Variants in TTL observed in about 807,000 individuals in gnomAD.
The protein encoded by TTL is tubulin--tyrosine ligase.
Under a neutral mutation model 41.1 loss-of-function variants are expected in TTL, and 10 were observed. That is an observed-to-expected ratio of 0.24 (90% confidence interval 0.15 to 0.41). The LOEUF (loss-of-function observed/expected upper bound fraction) is 0.41, where lower values mean the gene tolerates loss of function less well. Among genes scored for constraint, TTL ranks in the 10% least tolerant of loss-of-function variants. The probability of loss-of-function intolerance (pLI) is 1.00; values close to 1 mark genes in which losing one functional copy is unlikely to be tolerated. For missense variants in TTL, 367 were observed against 460.4 expected (o/e 0.80, Z 1.86); for synonymous variants, 175 against 175.5 (o/e 1.00, Z 0.02).
intron 3 of TTL, among the ~76,000 whole-genome samples, chr2:112,495,771 C>T (rs997490587): frequency 4.6e-5 from 7 of 152,040 alleles, no homozygotes; most frequent in Non-Finnish European, 7.4e-5. Context: ...GGCGTGAACC[C>T]GGGAAGTGGA....
At chr2:112,515,632 CTTT>C (rs1682048253) in intron 5 of TTL, among the ~76,000 whole-genome samples, 1 of 152,126 alleles carries the variant, frequency 6.6e-6, no homozygotes, top group Admixed American at 6.6e-5. Context: ...CAGAAGACTC[CTTT>C]GAACTCCCTC....
intron 3 of TTL, among the ~76,000 whole-genome samples, chr2:112,497,067 G>A (rs1379507409): frequency 7.3e-5 from 11 of 151,640 alleles, no homozygotes; most frequent in Non-Finnish European, 1.6e-4. Context: ...TGATCCGCCC[G>A]CCTCAGCCTC....
Position 112,494,160 on chromosome 2 carries a change from C to G in TTL, c.254C>G (p.Pro85Arg). 6.2e-7 allele frequency: 1 copy of G among 1,614,156 alleles called. No homozygotes were observed. Among genetic ancestry groups the G allele is most frequent in the South Asian group, 1.1e-5 (1 of 91,074 alleles). Residue 85 changes from proline (P) to arginine (R), a missense_variant, in exon 3 of 7, where the codon CCT (proline) becomes CGT (arginine). Coordinates refer to ENST00000233336, the MANE Select transcript of TTL (RefSeq NM_153712.5). ...TCTGCCAGGCTAATCAAGACAAGCCCTGAACTGGCTGAGTCCTGCACATGG... is the reference window on the plus strand; with the variant it reads ...TCTGCCAGGCTAATCAAGACAAGCCGTGAACTGGCTGAGTCCTGCACATGG... ...ASLVKLIKTS[P>R]ELAESCTWFP... is the part of the protein sequence containing the mutation.
intron 5 of TTL, among the ~76,000 whole-genome samples, chr2:112,503,605 G>A (rs1177482995): frequency 7.1e-6 from 1 of 141,272 alleles, no homozygotes; most frequent in East Asian, 2.1e-4. Flanking sequence ...GGCTAATTTT[G>A]TACTTTTAGT....
chr2:112,487,753 G>A (rs1307411221), intron 2 of TTL, among the ~76,000 whole-genome samples: 1 of 152,202 alleles, frequency 6.6e-6, no homozygotes, highest in Non-Finnish European at 1.5e-5. Flanking sequence ...ACCTATGCAG[G>A]CTGGAGGTTG....
rs911000529 is a variant in TTL at position 112,533,991 on chromosome 2, A to G, written c.*5196A>G. 4 of 152,196 alleles carry G rather than the reference A, an allele frequency of 2.6e-5. No individual in the cohort carries two copies. Among genetic ancestry groups the G allele is most frequent in the African/African-American group, 4.8e-5 (2 of 41,442 alleles). The allele number at this position is 152,196 out of a possible 1,614,324, so 9.4% of individuals were successfully genotyped here. Reference sequence around the variant, plus strand: ...GAAAACCCTCTCTTCCATAAAAGCAATGAGAACACTAGCAAAACTGTCTAG... The same window carrying G: ...GAAAACCCTCTCTTCCATAAAAGCAGTGAGAACACTAGCAAAACTGTCTAG... On this transcript the variant is annotated 3_prime_UTR_variant, in exon 7 of 7. Transcript: ENST00000233336.
At chr2:112,507,715 C>T (rs1681828198) in intron 5 of TTL, among the ~76,000 whole-genome samples, 1 of 149,986 alleles carries the variant, frequency 6.7e-6, no homozygotes, top group South Asian at 2.1e-4. Flanking sequence ...TGTGTCTCTG[C>T]ACGTGAGATG....
rs1473735628 is a variant in TTL at position 112,530,160 on chromosome 2, C to G, written c.*1365C>G. 4.4e-6 allele frequency: 1 copy of G among 228,646 alleles called. No homozygotes were observed. The highest frequency in any genetic ancestry group is 8.7e-6 in the Non-Finnish European group (1 of 115,270). 14.2% of individuals were successfully genotyped at this position (228,646 alleles called of 1,614,324 possible). On this transcript the variant is annotated 3_prime_UTR_variant, in exon 7 of 7. Coordinates refer to ENST00000233336, the MANE Select transcript of TTL (RefSeq NM_153712.5). ...ATGTGTGCTCCATTCCTCATTTCTA[C>G]TTGGCTCAAGAAAACATTTCTGCAG...
chr2:112,527,440 A>T (rs1456166656), intron 6 of TTL, among the ~76,000 whole-genome samples: 1 of 152,240 alleles, frequency 6.6e-6, no homozygotes, highest in East Asian at 1.9e-4. Context: ...ATTATTGTGT[A>T]GGAGTCTAAG....
chr2:112,502,151 C>T (rs1412149741), intron 4 of TTL, among the ~76,000 whole-genome samples: 1 of 152,114 alleles, frequency 6.6e-6, no homozygotes, highest in Non-Finnish European at 1.5e-5. Context: ...CTAAACAGCC[C>T]TCCCTCTCCA....
At position 112,538,730 on chromosome 2, in the gene TTL, A is replaced by C. The variant is rs114320214; in HGVS notation, c.*9935A>C. ...GAAGAGGAGGTTGCAGTGAGCAGAG[A>C]TCGCACAACTGCTCTCTGTCCTAGG... On this transcript the variant is annotated 3_prime_UTR_variant, in exon 7 of 7. Transcript: ENST00000233336. The C allele has an allele frequency of 2.3e-3, 356 of 152,306 alleles. 1 individual carries two copies. The highest frequency in any genetic ancestry group is 8.2e-3 in the African/African-American group (339 of 41,550). The allele number at this position is 152,306 out of a possible 1,614,324, so 9.4% of individuals were successfully genotyped here.
rs1310525541 is a variant in TTL, at chr2:112,501,277, G to A, written c.541G>A (p.Val181Met). 16 of 1,613,670 alleles carry A rather than the reference G, an allele frequency of 9.9e-6. No individual in the cohort carries two copies. The highest frequency in any genetic ancestry group is 2.2e-5 in the South Asian group (2 of 91,048). Residue 181 changes from valine to methionine, a missense_variant, in exon 4 of 7, where the codon GTG becomes ATG. Coordinates refer to ENST00000233336, the MANE Select transcript of TTL (RefSeq NM_153712.5). ...CATAGACAACCAGGGCCAAGTGCAC[G>A]TGATCCAGAAATATCTTGAGCACCC... ...DFIDNQGQVHVIQKYLEHPLL... is the reference protein window; with the variant it reads ...DFIDNQGQVHMIQKYLEHPLL...
chr2:112,483,142 C>A (rs1320895698), intron 1 of TTL: 1 of 152,302 alleles, frequency 6.6e-6, no homozygotes, highest in East Asian at 1.9e-4. Context: ...TTTCGCAGTT[C>A]TGCATTGGAT....
intron 6 of TTL, among the ~76,000 whole-genome samples, chr2:112,523,638 T>C (rs139123054): frequency 2.0e-4 from 31 of 152,150 alleles, no homozygotes; most frequent in African/African-American, 7.2e-4. Context: ...TCTTACATGC[T>C]CTTGAAATGC....
chr2:112,502,497 C>T (rs1393339150), intron 4 of TTL, among the ~76,000 whole-genome samples: 1 of 151,844 alleles, frequency 6.6e-6, no homozygotes, highest in Non-Finnish European at 1.5e-5. Context: ...ATCACCCGGG[C>T]GTGGTGGCAT....
chr2:112,537,937 G>A lies in TTL; in HGVS notation c.*9142G>A, dbSNP rs1682628242. The A allele has an allele frequency of 6.6e-6, 1 of 152,178 alleles. No individual in the cohort carries two copies. The highest frequency in any genetic ancestry group is 1.5e-5 in the Non-Finnish European group (1 of 68,044). 9.4% of individuals were successfully genotyped at this position (152,178 alleles called of 1,614,324 possible). On this transcript the variant is annotated 3_prime_UTR_variant, in exon 7 of 7. Coordinates refer to ENST00000233336, the MANE Select transcript of TTL (RefSeq NM_153712.5). ...TACACATCCTTCTCAAGTGCACATG[G>A]AACATTCTCTGGGGTAGATCACATG...
At chr2:112,499,295 CTG>C (rs1312837763) in intron 3 of TTL, among the ~76,000 whole-genome samples, 3 of 152,202 alleles carry the variant, frequency 2.0e-5, no homozygotes, top group Non-Finnish European at 4.4e-5. Flanking sequence ...GAGCAAGACT[CTG>C]TCTCAAAAAC....
intron 4 of TTL, 94 bp from the exon 5 acceptor site, chr2:112,502,818 C>A: frequency 1.4e-6 from 2 of 1,415,758 alleles, no homozygotes. Flanking sequence ...TCCTTACCTA[C>A]CCCATAAAAG....
Position 112,482,228 on chromosome 2 carries a change from CGGGCGGCGG to C in TTL, c.-112_-104del. Reference sequence around the variant, plus strand: ...CACCCGAGAGGCGCGGTAGCCGGCGCGGGCGGCGGGGGCCGGGCCGCGGCGGGCGCCCGG... The same window carrying C: ...CACCCGAGAGGCGCGGTAGCCGGCGCGGGCCGGGCCGCGGCGGGCGCCCGG... On this transcript the variant is annotated 5_prime_UTR_variant, in exon 1 of 7. Coordinates refer to ENST00000233336, the MANE Select transcript of TTL (RefSeq NM_153712.5). This position sits in a 1 kb window ranked among gnomAD's most constrained non-coding sequence, Gnocchi z 5.3. The C allele has an allele frequency of 1.3e-6, 1 of 756,954 alleles. No homozygotes were observed. Among genetic ancestry groups the C allele is most frequent in the Non-Finnish European group, 1.6e-6 (1 of 624,770 alleles). 46.9% of individuals were successfully genotyped at this position (756,954 alleles called of 1,614,324 possible). A position where few individuals can be genotyped will look rare whatever the true frequency, so the allele number is the denominator to read the frequency against.
Sources: gnomAD v4.1 joint callset for allele counts (sites outside exome capture counted in the v4.1 genomes callset) on GRCh38, gnomAD v4.1.1 for gene constraint, Gnocchi (gnomAD v3.1) non-coding constraint, MANE v1.5 for transcripts, NCBI Gene and HGNC (gene_info 2026-07-23, HGNC 2026-07-21) for gene names.